The following NAALADL2 variants were observed in gnomAD, a reference collection of about 807,000 sequenced individuals.
NAALADL2 encodes the protein inactive N-acetylated-alpha-linked acidic dipeptidase-like protein 2.
Under a neutral mutation model 87.2 loss-of-function variants are expected in NAALADL2, and 76 were observed. That is an observed-to-expected ratio of 0.87 (90% confidence interval 0.72 to 1.05). The LOEUF (loss-of-function observed/expected upper bound fraction) is 1.05, where lower values mean the gene tolerates loss of function less well. NAALADL2 is among the 50% of genes least tolerant of loss of function. The probability of loss-of-function intolerance (pLI) is 0.00; values close to 1 mark genes in which losing one functional copy is unlikely to be tolerated. For synonymous variants in NAALADL2, 354 were observed against 331.0 expected, an observed-to-expected ratio of 1.07 and a Z score of -0.75; for missense variants, 1,089 against 945.8, an observed-to-expected ratio of 1.15 and a Z score of -1.99.
chr3:175,368,896 T>C (rs1194334509), intron 5 of NAALADL2, among the ~76,000 whole-genome samples: 1 of 152,038 alleles, frequency 6.6e-6, no homozygotes, highest in East Asian at 1.9e-4. Flanking sequence ...AAATATGATA[T>C]AAAAGATTAA....
At chr3:175,780,899 T>G (rs1271328382) in intron 13 of NAALADL2, among the ~76,000 whole-genome samples, 1 of 152,196 alleles carries the variant, frequency 6.6e-6, no homozygotes, top group Non-Finnish European at 1.5e-5. Context: ...TGTGCCTTCC[T>G]TGCTATGTGT....
intron 3 of NAALADL2, among the ~76,000 whole-genome samples, chr3:174,787,044 TTATTA>T (rs575135163): frequency 1.0e-3 from 84 of 82,416 alleles, no homozygotes; most frequent in African/African-American, 3.8e-3. Flanking sequence ...ATATAATAAA[TTATTA>T]TATTATTATA....
At position 175,468,192 on chromosome 3, in the gene NAALADL2, A is replaced by G. The variant is rs535000052; in HGVS notation, c.1533+1008A>G. On this transcript the variant is annotated intron_variant, in intron 8 of 13. Coordinates refer to ENST00000454872, the MANE Select transcript of NAALADL2 (RefSeq NM_207015.3). ...TCTTTTTTAATTTGAAGTAAAGAAT[A>G]GACTTAAAGATGAAAAAATTTTTTC... Among the ~76,000 whole-genome samples, 20 of 152,310 alleles carry G rather than the reference A, an allele frequency of 1.3e-4. No individual in the cohort carries two copies. The South Asian group carries it at 4.1e-3, about 32-fold the overall frequency.
At position 175,168,779 on chromosome 3, in the gene NAALADL2, T is replaced by C. The variant is rs562041953; in HGVS notation, c.546-65152T>C. Reference sequence around the variant, plus strand: ...CCAATTTGTTTTCTTCACTCCAACATGAACATACATTATGGACAGTTTGTG... The same window carrying C: ...CCAATTTGTTTTCTTCACTCCAACACGAACATACATTATGGACAGTTTGTG... On this transcript the variant is annotated intron_variant, in intron 2 of 13. Transcript: ENST00000454872. Among the ~76,000 whole-genome samples, 78 of 151,970 alleles carry C rather than the reference T, an allele frequency of 5.1e-4. 1 individual carries two copies. In the South Asian group the frequency reaches 0.011, roughly 21 times the overall value.
At chr3:175,681,351 C>T (rs573288253) in intron 11 of NAALADL2, among the ~76,000 whole-genome samples, 1 of 152,158 alleles carries the variant, frequency 6.6e-6, no homozygotes, top group Non-Finnish European at 1.5e-5. Flanking sequence ...TTTATATGCT[C>T]AATGGCTCAG....
chr3:175,614,290 A>T (rs1725047474), intron 10 of NAALADL2, among the ~76,000 whole-genome samples: 1 of 152,148 alleles, frequency 6.6e-6, no homozygotes, highest in Non-Finnish European at 1.5e-5. Context: ...TGAACTCATG[A>T]TCTGCCCGCC....
chr3:174,750,058 C>T (rs1435182193), intron 3 of NAALADL2, among the ~76,000 whole-genome samples: 2 of 152,082 alleles, frequency 1.3e-5, no homozygotes, highest in Non-Finnish European at 2.9e-5. Context: ...TTCTTTCCAC[C>T]GTGTCTCCAG....
At chr3:175,263,754 AAAG>A (rs1751483239) in intron 4 of NAALADL2, among the ~76,000 whole-genome samples, 2 of 151,918 alleles carry the variant, frequency 1.3e-5, no homozygotes, top group South Asian at 4.1e-4. Flanking sequence ...GAGATGAAGA[AAAG>A]AAGGGAGGAA....
chr3:174,826,709 A>G (rs904578259), intron 3 of NAALADL2, among the ~76,000 whole-genome samples: 2 of 152,148 alleles, frequency 1.3e-5, no homozygotes, highest in African/African-American at 2.4e-5. Context: ...ATAAAATCAG[A>G]TAGTCCTTAT....
rs1318063466 is a variant in NAALADL2 at position 174,987,794 on chromosome 3, T to TTATA, written c.44-108983_44-108980dup. On this transcript the variant is annotated intron_variant, in intron 1 of 13. Coordinates refer to ENST00000454872, the MANE Select transcript of NAALADL2 (RefSeq NM_207015.3). ...GGCATGCACTACCATACCTGGTTAA[T>TTATA]TATATATATATATATAATTATATAT... Among the ~76,000 whole-genome samples the TTATA allele has an allele frequency of 2.5e-3, 311 of 125,722 alleles. 2 individuals are homozygous for TTATA. The highest frequency in any genetic ancestry group is 0.012 in the African/African-American group (288 of 23,728). 82.5% of individuals were successfully genotyped at this position (125,722 alleles called of 152,430 possible).
At chr3:175,785,054 C>T (rs1479116597) in intron 13 of NAALADL2, among the ~76,000 whole-genome samples, 1 of 151,140 alleles carries the variant, frequency 6.6e-6, no homozygotes, top group Non-Finnish European at 1.5e-5. Context: ...TTTGATTGCA[C>T]TGTGGTCTGA....
At chr3:175,129,144 G>C (rs756457856) in intron 2 of NAALADL2, among the ~76,000 whole-genome samples, 2 of 151,344 alleles carry the variant, frequency 1.3e-5, no homozygotes, top group Admixed American at 6.6e-5. Context: ...ACAGGGTTTT[G>C]TCATGTTGGC....
chr3:175,124,525 C>T (rs1726643914), intron 2 of NAALADL2: 1 of 151,908 alleles, frequency 6.6e-6, no homozygotes, highest in Non-Finnish European at 1.5e-5. Flanking sequence ...AATGCTTTTC[C>T]CGAATCTTTC....
intron 13 of NAALADL2, among the ~76,000 whole-genome samples, chr3:175,780,651 A>G (rs1336139592): frequency 6.6e-6 from 1 of 152,184 alleles, no homozygotes; most frequent in Non-Finnish European, 1.5e-5. Context: ...ATAACAATTG[A>G]TATCACTGTA....
intron 5 of NAALADL2, among the ~76,000 whole-genome samples, chr3:175,411,858 G>A (rs1324500552): frequency 6.6e-6 from 1 of 152,112 alleles, no homozygotes; most frequent in African/African-American, 2.4e-5. Flanking sequence ...GCCACTGGGA[G>A]CTTAACTGTG....
chr3:175,023,759 C>T (rs1580078093), intron 1 of NAALADL2, among the ~76,000 whole-genome samples: 1 of 152,074 alleles, frequency 6.6e-6, no homozygotes, highest in East Asian at 1.9e-4. Context: ...CTCCTATAGA[C>T]AGAGTACAGA....
chr3:175,356,612 A>AATAAT (rs1367197145), intron 5 of NAALADL2, among the ~76,000 whole-genome samples: 1 of 98,994 alleles, frequency 1.0e-5, no homozygotes, highest in African/African-American at 3.4e-5. Context: ...ATAATAATAA[A>AATAAT]GAAATAAAAG....
In NAALADL2 at chr3:175,652,542, C is replaced by G. The variant is rs1021356040; in HGVS notation, c.1896+25156C>G. ...CGCCCAGGCTGGAGTGCAGTGGTGC[C>G]ATCTCGGCTCACTGCAAGCTCCGCC... On this transcript the variant is annotated intron_variant, in intron 11 of 13. Coordinates refer to ENST00000454872, the MANE Select transcript of NAALADL2 (RefSeq NM_207015.3). Among the ~76,000 whole-genome samples the G allele has an allele frequency of 1.1e-3, 158 of 148,338 alleles. 1 individual carries two copies. The highest frequency in any genetic ancestry group is 3.7e-3 in the African/African-American group (150 of 40,188).
chr3:175,284,538 G>A (rs913443965), intron 4 of NAALADL2, among the ~76,000 whole-genome samples: 2 of 151,742 alleles, frequency 1.3e-5, no homozygotes, highest in East Asian at 3.9e-4. Context: ...TGAGCTCTTA[G>A]TTAGCTTATC....
Sources: gnomAD v4.1 joint callset for allele counts (sites outside exome capture counted in the v4.1 genomes callset) on GRCh38, gnomAD v4.1.1 for gene constraint, MANE v1.5 for transcripts, NCBI Gene and HGNC (gene_info 2026-07-23, HGNC 2026-07-21) for gene names.